Variants in SLC45A2 observed in about 807,000 individuals in gnomAD.
The protein encoded by SLC45A2 is solute carrier family 45 member 2, also known as membrane-associated transporter protein.
SLC45A2 carries 36 observed loss-of-function variants against 45.5 expected under a neutral mutation model. The observed-to-expected ratio is 0.79, with a 90% CI of 0.61 to 1.04. The LOEUF (loss-of-function observed/expected upper bound fraction) is 1.04. Ranked by LOEUF, SLC45A2 falls within the 50% of genes least tolerant of loss-of-function variation. The pLI is 0.00. For synonymous variants in SLC45A2, 306 were observed against 269.3 expected, an observed-to-expected ratio of 1.14 and a Z score of -1.33; for missense variants, 719 against 671.0, an observed-to-expected ratio of 1.07 and a Z score of -0.79.
At chr5:33,945,838 G>C (rs1751906051) in intron 6 of SLC45A2, 1 of 588,072 alleles carries the variant, frequency 1.7e-6, no homozygotes, top group South Asian at 7.7e-5. Flanking sequence ...ATTATCCTTT[G>C]AATAAGAAAG....
chr5:33,980,399 C>T (rs1753043104), intron 2 of SLC45A2, among the ~76,000 whole-genome samples: 1 of 152,188 alleles, frequency 6.6e-6, no homozygotes, highest in Admixed American at 6.5e-5. Flanking sequence ...AATTGATTCT[C>T]AAGAAGCCAG....
chr5:33,951,447 A>G (rs1465618207), intron 5 of SLC45A2, 107 bp downstream of exon 5: 1 of 1,602,710 alleles, frequency 6.2e-7, no homozygotes, highest in East Asian at 2.2e-5. Context: ...AGATTTATTA[A>G]GAATCTGGTA....
intron 2 of SLC45A2, among the ~76,000 whole-genome samples, chr5:33,980,983 C>T (rs1579561565): frequency 6.6e-6 from 1 of 152,128 alleles, no homozygotes; most frequent in East Asian, 1.9e-4. Context: ...GTATGATGGG[C>T]TGGGCTGACC....
At chr5:33,975,307 A>T (rs976412822) in intron 2 of SLC45A2, among the ~76,000 whole-genome samples, 28 of 152,344 alleles carry the variant, frequency 1.8e-4, no homozygotes, top group African/African-American at 5.8e-4. Flanking sequence ...CCTTTTACAC[A>T]ACTAACATGT....
chr5:33,981,430 T>C (rs1222044355), intron 2 of SLC45A2, among the ~76,000 whole-genome samples: 1 of 152,166 alleles, frequency 6.6e-6, no homozygotes, highest in African/African-American at 2.4e-5. Flanking sequence ...ATAAAGGCAT[T>C]GGCTGGGCTA....
intron 2 of SLC45A2, among the ~76,000 whole-genome samples, chr5:33,975,849 T>C (rs1752914027): frequency 6.6e-6 from 1 of 152,158 alleles, no homozygotes. Context: ...ATTTGCTTTC[T>C]TCATTTAAAG....
At chr5:33,960,999 G>C (rs1752437811) in intron 3 of SLC45A2, among the ~76,000 whole-genome samples, 1 of 152,084 alleles carries the variant, frequency 6.6e-6, no homozygotes, top group Non-Finnish European at 1.5e-5. Flanking sequence ...ATAACACATA[G>C]GCACACTTTT....
In SLC45A2 at chr5:33,951,293, T is replaced by C. The variant is rs975249065; in HGVS notation, c.1156+261A>G. ...AACACTTCATCTTGTAAAGATTCCC[T>C]TTCATTTTCCAGAGAAACTTGATCA... is the stretch of plus-strand genomic sequence containing the variant. On this transcript the variant is annotated intron_variant, in intron 5 of 6. Transcript: ENST00000296589. 1.7e-5 allele frequency: 16 copies of C among 945,878 alleles called. No individual in the cohort carries two copies. The African/African-American group carries it at 2.6e-4, about 16-fold the overall frequency. 58.6% of individuals were successfully genotyped at this position (945,878 alleles called of 1,614,324 possible).
intron 4 of SLC45A2, among the ~76,000 whole-genome samples, chr5:33,953,208 C>T (rs1433317091): frequency 6.8e-6 from 1 of 146,240 alleles, no homozygotes; most frequent in Non-Finnish European, 1.5e-5. Flanking sequence ...GGGTATATAC[C>T]CAGTAATGGG....
At chr5:33,946,107 T>C in intron 6 of SLC45A2, 1 of 985,330 alleles carries the variant, frequency 1.0e-6, no homozygotes, top group Non-Finnish European at 1.2e-6. Flanking sequence ...AGAGGCAGGA[T>C]TTGAATCCAG....
intron 3 of SLC45A2, among the ~76,000 whole-genome samples, chr5:33,955,300 G>A (rs949236412): frequency 6.6e-6 from 1 of 152,180 alleles, no homozygotes; most frequent in African/African-American, 2.4e-5. Context: ...AATGTGCTTT[G>A]AGGCGGGCTC....
chr5:33,957,021 G>T (rs1752296189), intron 3 of SLC45A2, among the ~76,000 whole-genome samples: 2 of 151,998 alleles, frequency 1.3e-5, no homozygotes, highest in Non-Finnish European at 2.9e-5. Context: ...CCTTAATTTA[G>T]ATTTAAATTA....
At chr5:33,958,640 A>C (rs942486197) in intron 3 of SLC45A2, among the ~76,000 whole-genome samples, 1 of 152,112 alleles carries the variant, frequency 6.6e-6, no homozygotes, top group Admixed American at 6.5e-5. Context: ...CCTTGGCCTC[A>C]TGAGTTGCTG....
chr5:33,964,483 CTTA>C (rs1752546581), intron 2 of SLC45A2, among the ~76,000 whole-genome samples: 2 of 152,162 alleles, frequency 1.3e-5, no homozygotes. Context: ...CTTGCAGTTT[CTTA>C]TTATTAAGCT....
intron 3 of SLC45A2, among the ~76,000 whole-genome samples, chr5:33,955,070 G>A (rs1752235599): frequency 6.6e-6 from 1 of 152,176 alleles, no homozygotes; most frequent in Non-Finnish European, 1.5e-5. Context: ...CAAATTCCAT[G>A]AGCCCTTGAA....
chr5:33,945,241 A>G (rs565115860), intron 6 of SLC45A2, among the ~76,000 whole-genome samples: 1 of 152,330 alleles, frequency 6.6e-6, no homozygotes, highest in Admixed American at 6.5e-5. Context: ...AAACAATTAA[A>G]AGGAATTCTT....
Position 33,947,205 on chromosome 5 carries a change from G to A in SLC45A2, c.1326C>T (p.Pro442=), listed in dbSNP as rs761752913. ...GGTGGTACTCAGTAATGAGGTTAAA[G>A]GGCACAGTGTACAGGGTGCTGGACA... ...GVMSSTLYTV[P]FNLITEYHRE... Residue 442 remains proline (P), a synonymous_variant, in exon 6 of 7, where the codon CCC becomes CCT. Transcript: ENST00000296589. 1 of 1,614,212 alleles carries A rather than the reference G, an allele frequency of 6.2e-7. No individual in the cohort carries two copies. The highest frequency in any genetic ancestry group is 1.7e-5 in the Admixed American group (1 of 60,030).
Position 33,969,065 on chromosome 5 carries a change from C to CTCTCTCTCTCTCTCTCTGTGTG in SLC45A2, c.563-5050_563-5049insCACACAGAGAGAGAGAGAGAGA. On this transcript the variant is annotated intron_variant, in intron 2 of 6. Transcript: ENST00000296589. The stretch of plus-strand genomic sequence containing the variant: ...AGCTACTCTCTCTCTCTCTCTCTCT[C>CTCTCTCTCTCTCTCTCTGTGTG]TGTGTGTGTGTGTGTGTGTGTGTGT... Among the ~76,000 whole-genome samples, 634 of 102,428 alleles carry CTCTCTCTCTCTCTCTCTGTGTG rather than the reference C, an allele frequency of 6.2e-3. 11 individuals carry two copies. Among genetic ancestry groups the CTCTCTCTCTCTCTCTCTGTGTG allele is most frequent in the African/African-American group, 0.016 (434 of 27,006 alleles). The allele number at this position is 102,428 out of a possible 152,430, so 67.2% of individuals were successfully genotyped here.
intron 3 of SLC45A2, among the ~76,000 whole-genome samples, chr5:33,954,917 G>A (rs1294193359): frequency 6.6e-6 from 1 of 152,176 alleles, no homozygotes; most frequent in Non-Finnish European, 1.5e-5. Flanking sequence ...CAAGATGTCT[G>A]TCATGATCTT....
Sources: allele counts gnomAD v4.1 joint callset (sites outside exome capture counted in the v4.1 genomes callset), GRCh38; gene constraint gnomAD v4.1.1; transcripts MANE v1.5; gene names NCBI Gene and HGNC (gene_info 2026-07-23, HGNC 2026-07-21).